Variants in SNAPC2 observed in about 807,000 individuals in gnomAD.
SNAPC2 encodes small nuclear RNA activating complex polypeptide 2.
In SNAPC2, 27 loss-of-function variants were observed where a neutral mutation model predicts 22.9. The ratio of observed to expected loss-of-function variants is 1.18; its 90% CI spans 0.87 to 1.63. The LOEUF (loss-of-function observed/expected upper bound fraction) is 1.63. Among genes scored for constraint, SNAPC2 ranks in the 40% most tolerant of loss-of-function variants. The pLI, the probability that SNAPC2 is intolerant of heterozygous loss-of-function variation, is 0.00. For synonymous variants in SNAPC2, 272 were observed against 201.0 expected (o/e 1.35, Z -2.99); for missense variants, 570 against 449.1 (o/e 1.27, Z -2.43).
chr19:7,920,363 C>G lies in SNAPC2; in HGVS notation c.-4C>G. 6.4e-7 allele frequency: 1 copy of G among 1,566,720 alleles called. No individual in the cohort carries two copies. Among genetic ancestry groups the G allele is most frequent in the East Asian group, 2.5e-5 (1 of 40,288 alleles). ...CTTACAGCGCCTGCCTCTTTCTGAG[C>G]GGCATGAAGCCACCTCCCAGGCGGC... On this transcript the variant is annotated 5_prime_UTR_variant, in exon 1 of 5. Transcript: ENST00000221573.
chr19:7,920,343 A>G lies in SNAPC2; in HGVS notation c.-24A>G, dbSNP rs1026646653. On this transcript the variant is annotated 5_prime_UTR_variant, in exon 1 of 5. Transcript: ENST00000221573. ...CCGCCCATCGGAGAAGCGACCTTACAGCGCCTGCCTCTTTCTGAGCGGCAT... is the reference window on the plus strand; with the variant it reads ...CCGCCCATCGGAGAAGCGACCTTACGGCGCCTGCCTCTTTCTGAGCGGCAT... 2.6e-6 allele frequency: 4 copies of G among 1,544,266 alleles called. No individual in the cohort carries two copies. Among genetic ancestry groups the G allele is most frequent in the Middle Eastern group, 1.7e-4 (1 of 5,928 alleles).
At position 7,921,764 on chromosome 19, in the gene SNAPC2, T is replaced by C; in HGVS notation, c.363T>C (p.Ala121=). The C allele has an allele frequency of 6.2e-7, 1 of 1,612,946 alleles. No individual in the cohort carries two copies. Among genetic ancestry groups the C allele is most frequent in the Non-Finnish European group, 8.5e-7 (1 of 1,179,420 alleles). ...TGPLEEALAV[A]FSQVLTIAAT... ...CACTGGAAGAAGCCCTGGCAGTGGC[T>C]TTCTCGCAGGTACCGCCATTCCCCC... The change falls in exon 3 of 5, where the codon GCT becomes GCC. Residue 121 remains alanine (A), a synonymous_variant. Transcript: ENST00000221573.
chr19:7,920,557 G>A lies in SNAPC2; in HGVS notation c.183+8G>A, dbSNP rs2145160766. The A allele has an allele frequency of 3.0e-6, 4 of 1,353,296 alleles. No homozygotes were observed. Among genetic ancestry groups the A allele is most frequent in the Non-Finnish European group, 3.8e-6 (4 of 1,043,588 alleles). The allele number at this position is 1,353,296 out of a possible 1,614,324, so 83.8% of individuals were successfully genotyped here. On this transcript the variant is annotated splice_region_variant and intron_variant, in intron 1 of 4. Coordinates refer to ENST00000221573, the MANE Select transcript of SNAPC2 (RefSeq NM_003083.4). ...GGCCGGAGCGAGGCTGAGGTGAGAT[G>A]CGGTTCTCGGGACCGGAGCCAGGCT...
intron 1 of SNAPC2, 193 bp from the exon 2 acceptor site, chr19:7,921,230 A>G: frequency 7.1e-7 from 1 of 1,413,000 alleles, no homozygotes; most frequent in Non-Finnish European, 9.3e-7. Flanking sequence ...TGGGCCTTAC[A>G]ACTTCCTTAG....
rs372181613 is a variant in SNAPC2 at position 7,922,942 on chromosome 19, C to T, written c.*178C>T. On this transcript the variant is annotated 3_prime_UTR_variant, in exon 5 of 5. Transcript: ENST00000221573. ...TTGGGGGTCTCAGAAATGGAACCCC[C>T]GTTGTACAGGGGTTGGGTGGGGGTT... 101 of 563,946 alleles carry T rather than the reference C, an allele frequency of 1.8e-4. No homozygotes were observed. The highest frequency in any genetic ancestry group is 6.6e-4 in the African/African-American group (35 of 52,820). 34.9% of individuals were successfully genotyped at this position (563,946 alleles called of 1,614,324 possible).
At chr19:7,921,590 G>T in intron 2 of SNAPC2, 48 bp downstream of exon 2, 3 of 1,603,460 alleles carry the variant, frequency 1.9e-6, no homozygotes, top group Non-Finnish European at 2.6e-6. Context: ...GTCCCTGGTG[G>T]GTAGGTGGGA....
rs1983593106 is a variant in SNAPC2, at chr19:7,922,032, C to T, written c.373-3C>T. ...CTTCCTCCCTGATTGTTCTGCCTGC[C>T]AGGTGCTCACCATCGCGGCCACGGA... On this transcript the variant is annotated splice_polypyrimidine_tract_variant and splice_region_variant and intron_variant, in intron 3 of 4. Coordinates refer to ENST00000221573, the MANE Select transcript of SNAPC2 (RefSeq NM_003083.4). 1 of 1,603,742 alleles carries T rather than the reference C, an allele frequency of 6.2e-7. No individual in the cohort carries two copies. The highest frequency in any genetic ancestry group is 8.5e-7 in the Non-Finnish European group (1 of 1,173,280).
chr19:7,920,620 C>T (rs1983531248), intron 1 of SNAPC2, 71 bp downstream of exon 1: 1 of 659,042 alleles, frequency 1.5e-6, no homozygotes, highest in Non-Finnish European at 2.2e-6. Context: ...GTGGGCGGGG[C>T]TGCGGCAGGA....
At position 7,922,137 on chromosome 19, in the gene SNAPC2, G is replaced by A. The variant is rs765130914; in HGVS notation, c.475G>A (p.Gly159Arg). The change falls in exon 4 of 5, where the codon GGA (glycine) becomes AGA (arginine). Residue 159 changes from glycine to arginine, a missense_variant. Physicochemically the swap from Gly to Arg is moderately radical, Grantham distance 125. Transcript: ENST00000221573. ...GCCTTTGCTCCTGAGCGCCCCTGGAGGACAGGAAGACCCCGCCCCTGAAAT... is the reference window on the plus strand; with the variant it reads ...GCCTTTGCTCCTGAGCGCCCCTGGAAGACAGGAAGACCCCGCCCCTGAAAT... ...GKPLLLSAPG[G>R]QEDPAPEIPS... 4 of 1,613,902 alleles carry A rather than the reference G, an allele frequency of 2.5e-6. No individual in the cohort carries two copies. The highest frequency in any genetic ancestry group is 2.5e-6 in the Non-Finnish European group (3 of 1,180,004).
chr19:7,921,033 C>T, intron 1 of SNAPC2: 1 of 1,154,136 alleles, frequency 8.7e-7, no homozygotes, highest in Non-Finnish European at 1.1e-6. Context: ...GAGGCGAGGG[C>T]TAAACGGGCG....
Position 7,920,526 on chromosome 19 carries a change from C to G in SNAPC2, c.160C>G (p.Leu54Val). 7.0e-7 allele frequency: 1 copy of G among 1,437,484 alleles called. No individual in the cohort carries two copies. Among genetic ancestry groups the G allele is most frequent in the Non-Finnish European group, 9.1e-7 (1 of 1,103,232 alleles). The allele number at this position is 1,437,484 out of a possible 1,614,324, so 89.0% of individuals were successfully genotyped here. Residue 54 changes from leucine (L) to valine (V), a missense_variant, in exon 1 of 5, where the codon CTG becomes GTG. Coordinates refer to ENST00000221573, the MANE Select transcript of SNAPC2 (RefSeq NM_003083.4). The stretch of plus-strand genomic sequence containing the variant: ...GGACGCCACCGAGCTGGCCCGGGAG[C>G]TGCGGGGCCGGAGCGAGGCTGAGGT... ...EPDATELARE[L>V]RGRSEAEIRV...
intron 1 of SNAPC2, 68 bp from the exon 2 acceptor site, chr19:7,921,355 G>T (rs1983563474): frequency 6.2e-7 from 1 of 1,610,380 alleles, no homozygotes; most frequent in African/African-American, 1.3e-5. Context: ...CAAGGGATTG[G>T]GCTTTGGCTT....
rs1189812646 is a variant in SNAPC2, at chr19:7,922,212, C to T, written c.550C>T (p.Pro184Ser). 1 of 1,614,168 alleles carries T rather than the reference C, an allele frequency of 6.2e-7. No individual in the cohort carries two copies. Among genetic ancestry groups the T allele is most frequent in the Admixed American group, 1.7e-5 (1 of 60,012 alleles). ...TAGCTCCGCACCCAGGACTCCTGAC[C>T]CTGCCCCTGAGAAACCTTCTGAGTC... ...APSSAPRTPD[P>S]APEKPSESSA... The change falls in exon 4 of 5, where the codon CCT becomes TCT. Residue 184 changes from proline to serine, a missense_variant. Physicochemically the swap from Pro to Ser is moderately conservative, Grantham distance 74. Coordinates refer to ENST00000221573, the MANE Select transcript of SNAPC2 (RefSeq NM_003083.4).
Position 7,922,987 on chromosome 19 carries a change from C to G in SNAPC2, c.*223C>G, listed in dbSNP as rs1036300266. 4.0e-6 allele frequency: 2 copies of G among 504,774 alleles called. No individual in the cohort carries two copies. The highest frequency in any genetic ancestry group is 2.0e-5 in the African/African-American group (1 of 51,188). The allele number at this position is 504,774 out of a possible 1,614,324, so 31.3% of individuals were successfully genotyped here. A position where few individuals can be genotyped will look rare whatever the true frequency, so the allele number is the denominator to read the frequency against. ...GGGGTTGCAGGACTCCACTCACAAG[C>G]CTCCTGATGTCAAGGACAGGCGGAC... On this transcript the variant is annotated 3_prime_UTR_variant, in exon 5 of 5. Coordinates refer to ENST00000221573, the MANE Select transcript of SNAPC2 (RefSeq NM_003083.4).
At position 7,922,202 on chromosome 19, in the gene SNAPC2, G is replaced by A; in HGVS notation, c.540G>A (p.Arg180=). 1 of 1,614,100 alleles carries A rather than the reference G, an allele frequency of 6.2e-7. No homozygotes were observed. Among genetic ancestry groups the A allele is most frequent in the Non-Finnish European group, 8.5e-7 (1 of 1,180,016 alleles). ...CTGCTGCACCTAGCTCCGCACCCAG[G>A]ACTCCTGACCCTGCCCCTGAGAAAC... ...SAPAAPSSAP[R]TPDPAPEKPS... is the part of the protein sequence containing the mutation. The change falls in exon 4 of 5, where the codon AGG becomes AGA. Residue 180 remains arginine, a synonymous_variant. Transcript: ENST00000221573.
chr19:7,921,779 G>A lies in SNAPC2; in HGVS notation c.372+6G>A, dbSNP rs375557441. 841 of 1,611,240 alleles carry A rather than the reference G, an allele frequency of 5.2e-4. 1 individual carries two copies. Among genetic ancestry groups the A allele is most frequent in the African/African-American group, 7.7e-4 (58 of 74,984 alleles). On this transcript the variant is annotated splice_donor_region_variant and intron_variant, in intron 3 of 4. Coordinates refer to ENST00000221573, the MANE Select transcript of SNAPC2 (RefSeq NM_003083.4). ...TGGCAGTGGCTTTCTCGCAGGTACC[G>A]CCATTCCCCCAGGCAGGTCAGGGTG...
chr19:7,921,283 A>T (rs897723285), intron 1 of SNAPC2, 140 bp from the exon 2 acceptor site: 2 of 1,473,794 alleles, frequency 1.4e-6, no homozygotes, highest in Non-Finnish European at 1.8e-6. Flanking sequence ...CTTGGCAGTC[A>T]CTGGGACTCC....
Position 7,920,954 on chromosome 19 carries a change from G to A in SNAPC2, c.183+405G>A, listed in dbSNP as rs556718679. On this transcript the variant is annotated intron_variant, in intron 1 of 4. Transcript: ENST00000221573. ...GGCGGGGCCGTTTTGGGAGTAAGGC[G>A]TGGGAGGGGCGTGGGCGGGATGAGG... is the stretch of plus-strand genomic sequence containing the variant. The A allele has an allele frequency of 1.8e-5, 20 of 1,104,186 alleles. No individual in the cohort carries two copies. In the East Asian group the frequency reaches 1.2e-3, roughly 64 times the overall value. 68.4% of individuals were successfully genotyped at this position (1,104,186 alleles called of 1,614,324 possible). A position where few individuals can be genotyped will look rare whatever the true frequency, so the allele number is the denominator to read the frequency against.
Position 7,920,407 on chromosome 19 carries a change from A to C in SNAPC2, c.41A>C (p.Tyr14Ser). 6.3e-7 allele frequency: 1 copy of C among 1,582,984 alleles called. No homozygotes were observed. Among genetic ancestry groups the C allele is most frequent in the South Asian group, 1.1e-5 (1 of 89,430 alleles). Residue 14 changes from tyrosine (Y) to serine (S), a missense_variant, in exon 1 of 5, where the codon TAT becomes TCT. Tyr to Ser is a moderately radical substitution (Grantham distance 144). Coordinates refer to ENST00000221573, the MANE Select transcript of SNAPC2 (RefSeq NM_003083.4). ...PPRRRAAPAR[Y>S]LGEVTGPATW... The stretch of plus-strand genomic sequence containing the variant: ...AGGCGGCGAGCGGCCCCGGCGCGCT[A>C]TCTGGGCGAGGTGACCGGTCCCGCG...
Sources: allele counts gnomAD v4.1 joint callset, GRCh38; gene constraint gnomAD v4.1.1; transcripts MANE v1.5; gene names NCBI Gene and HGNC (gene_info 2026-07-23, HGNC 2026-07-21).